The following RBFOX1 variants were observed in gnomAD, a reference collection of about 807,000 sequenced individuals.
RBFOX1 encodes RNA binding fox-1 homolog 1.
RBFOX1 carries 8 observed loss-of-function variants against 57.7 expected under a neutral mutation model. The observed-to-expected ratio is 0.14, with a 90% CI of 0.08 to 0.25. RBFOX1 has a LOEUF of 0.25. Ranked by LOEUF, RBFOX1 falls within the 10% of genes least tolerant of loss-of-function variation. The pLI, the probability that RBFOX1 is intolerant of heterozygous loss-of-function variation, is 1.00. For synonymous variants in RBFOX1, 326 were observed against 222.4 expected (o/e 1.47, Z -4.15); for missense variants, 611 against 548.5 (o/e 1.11, Z -1.14).
At chr16:6,950,993 A>C (rs2080626861) in intron 3 of RBFOX1, among the ~76,000 whole-genome samples, 1 of 151,168 alleles carries the variant, frequency 6.6e-6, no homozygotes, top group Admixed American at 6.6e-5. Context: ...GCAGCCTCAA[A>C]CTTCTAGGCT....
rs115068314 is a variant in RBFOX1 at position 6,936,354 on chromosome 16, C to G, written c.-15-115703C>G. Among the ~76,000 whole-genome samples the G allele has an allele frequency of 8.3e-3, 1,268 of 152,274 alleles. 16 individuals carry two copies. Among genetic ancestry groups the G allele is most frequent in the African/African-American group, 0.029 (1,203 of 41,556 alleles). ...ATTACCAAGTTGTTGAACCAACTCT[C>G]AATGAGCATAGGCACAAACAGAAAC... On this transcript the variant is annotated intron_variant, in intron 3 of 15. Transcript: ENST00000550418.
chr16:6,159,357 G>A (rs1014743937), intron 1 of RBFOX1, among the ~76,000 whole-genome samples: 3 of 152,158 alleles, frequency 2.0e-5, no homozygotes, highest in South Asian at 2.1e-4. Flanking sequence ...GATTACAGGC[G>A]TGAGCCACCG....
chr16:7,388,063 G>A (rs1048406640), intron 4 of RBFOX1, among the ~76,000 whole-genome samples: 1 of 151,678 alleles, frequency 6.6e-6, no homozygotes, highest in African/African-American at 2.4e-5. Flanking sequence ...TAATTTAAAG[G>A]CATCCAAAAA....
At chr16:7,173,757 G>C (rs1891117060) in intron 4 of RBFOX1, among the ~76,000 whole-genome samples, 1 of 152,178 alleles carries the variant, frequency 6.6e-6, no homozygotes, top group African/African-American at 2.4e-5. Context: ...CTACAGTTAA[G>C]TTCCACTTGC....
At chr16:7,701,319 G>A (rs1462663831) in intron 14 of RBFOX1, among the ~76,000 whole-genome samples, 1 of 152,126 alleles carries the variant, frequency 6.6e-6, no homozygotes, top group Non-Finnish European at 1.5e-5. Context: ...TGGGGGGTGA[G>A]CAACGCTTCC....
At chr16:7,671,802 GT>G (rs2071535949) in intron 13 of RBFOX1, among the ~76,000 whole-genome samples, 1 of 152,342 alleles carries the variant, frequency 6.6e-6, no homozygotes, top group African/African-American at 2.4e-5. Context: ...TATCCACTGT[GT>G]TGTGGCAGTT....
At chr16:6,407,260 A>G (rs114920440) in intron 2 of RBFOX1, among the ~76,000 whole-genome samples, 2,080 of 152,204 alleles carry the variant, frequency 0.014, 47 homozygotes, top group African/African-American at 0.046. Context: ...TATATATGCT[A>G]TGGATTTGCC....
chr16:6,745,285 C>T (rs943351374), intron 3 of RBFOX1, among the ~76,000 whole-genome samples: 32 of 152,036 alleles, frequency 2.1e-4, no homozygotes, highest in Non-Finnish European at 2.9e-5. Context: ...GTTACATTTC[C>T]CAATCCATTC....
chr16:7,674,332 G>A (rs891414238), intron 13 of RBFOX1, among the ~76,000 whole-genome samples: 8 of 152,060 alleles, frequency 5.3e-5, no homozygotes, highest in Non-Finnish European at 1.0e-4. Context: ...CAAATTAACT[G>A]AAAAGTAAAT....
chr16:7,431,990 A>T lies in RBFOX1; in HGVS notation c.28-86157A>T, dbSNP rs116805804. On this transcript the variant is annotated intron_variant, in intron 4 of 15. Transcript: ENST00000550418. The stretch of plus-strand genomic sequence containing the variant: ...ATGCCAAGCATTCCCACCAGTGGGC[A>T]GCCTGTGGCACCTAGAAGGTCCGCT... 9.5e-3 allele frequency among the ~76,000 whole-genome samples: 1,453 copies of T among 152,318 alleles called. 17 individuals are homozygous for T. Among genetic ancestry groups the T allele is most frequent in the African/African-American group, 0.033 (1,380 of 41,568 alleles).
intron 4 of RBFOX1, among the ~76,000 whole-genome samples, chr16:7,071,393 T>G (rs1035122978): frequency 6.6e-6 from 1 of 151,928 alleles, no homozygotes; most frequent in African/African-American, 2.4e-5. Context: ...CAGAGGAGAG[T>G]ATTATTACCC....
chr16:6,313,944 C>T (rs1011208232), intron 1 of RBFOX1, among the ~76,000 whole-genome samples: 1 of 152,152 alleles, frequency 6.6e-6, no homozygotes, highest in Admixed American at 6.5e-5. Context: ...CAATGGTTCT[C>T]AGCCTCTGTT....
intron 4 of RBFOX1, among the ~76,000 whole-genome samples, chr16:7,434,340 C>T (rs907299290): frequency 5.9e-5 from 9 of 152,066 alleles, no homozygotes; most frequent in Non-Finnish European, 1.2e-4. Flanking sequence ...GGCACAGTGG[C>T]GGGCGCCAGT....
chr16:6,507,496 C>A (rs962268854), intron 2 of RBFOX1, among the ~76,000 whole-genome samples: 1 of 98,972 alleles, frequency 1.0e-5, no homozygotes, highest in Non-Finnish European at 1.9e-5. Context: ...CATAACAAGA[C>A]CCTATCTGTA....
intron 4 of RBFOX1, among the ~76,000 whole-genome samples, chr16:7,140,929 C>T (rs1193372444): frequency 1.3e-5 from 2 of 152,138 alleles, no homozygotes; most frequent in African/African-American, 4.8e-5. Context: ...AGCATGGTTT[C>T]TAAGTGTCTC....
intron 4 of RBFOX1, among the ~76,000 whole-genome samples, chr16:7,078,756 C>T (rs190828063): frequency 2.3e-4 from 34 of 149,520 alleles, no homozygotes; most frequent in African/African-American, 6.6e-4. Flanking sequence ...GATCTAGGCT[C>T]ACTGCAACCT....
chr16:7,000,628 C>T (rs531589319), intron 3 of RBFOX1, among the ~76,000 whole-genome samples: 5 of 103,150 alleles, frequency 4.8e-5, no homozygotes, highest in African/African-American at 1.5e-4. Flanking sequence ...GAGACAGAGT[C>T]TCGCTCTCCT....
At chr16:6,742,115 A>G (rs1320361601) in intron 3 of RBFOX1, among the ~76,000 whole-genome samples, 1 of 152,198 alleles carries the variant, frequency 6.6e-6, no homozygotes, top group African/African-American at 2.4e-5. Context: ...TACAGTTATT[A>G]TTGTCAATTT....
chr16:6,650,292 C>CT (rs34232723), intron 2 of RBFOX1, among the ~76,000 whole-genome samples: 61,447 of 151,404 alleles, frequency 0.41, 13,401 homozygotes, highest in South Asian at 0.52. Flanking sequence ...TTATTTTTTT[C>CT]TTTTTTTGCT....
Sources: allele counts gnomAD v4.1 joint callset (sites outside exome capture counted in the v4.1 genomes callset), GRCh38; gene constraint gnomAD v4.1.1; transcripts MANE v1.5; gene names NCBI Gene and HGNC (gene_info 2026-07-23, HGNC 2026-07-21).